The following ROR1 variants were observed in gnomAD, a reference collection of about 807,000 sequenced individuals.
ROR1 encodes ROR family WNT receptor 1.
A neutral mutation model predicts 78.8 loss-of-function variants in ROR1; 19 were observed. The ratio of observed to expected loss-of-function variants is 0.24; its 90% CI spans 0.17 to 0.35. ROR1 has a LOEUF of 0.35. Among genes scored for constraint, ROR1 ranks in the 10% least tolerant of loss-of-function variants. The pLI is 1.00. For synonymous variants in ROR1, 386 were observed against 433.6 expected, an observed-to-expected ratio of 0.89 and a Z score of 1.36; for missense variants, 917 against 1,177.8, an observed-to-expected ratio of 0.78 and a Z score of 3.24.
intron 4 of ROR1, among the ~76,000 whole-genome samples, chr1:64,135,291 T>C (rs917532141): frequency 1.3e-5 from 2 of 152,158 alleles, no homozygotes; most frequent in Non-Finnish European, 2.9e-5. Context: ...GGAAAGGTGG[T>C]AAGAAGTTTA....
intron 1 of ROR1, among the ~76,000 whole-genome samples, chr1:63,943,586 C>G (rs1447693426): frequency 6.6e-6 from 1 of 152,182 alleles, no homozygotes; most frequent in East Asian, 1.9e-4. Flanking sequence ...CTGGCATTAG[C>G]AGAGCAGATA....
intron 1 of ROR1, among the ~76,000 whole-genome samples, chr1:63,827,221 T>C (rs1464498662): frequency 6.6e-6 from 1 of 152,216 alleles, no homozygotes; most frequent in East Asian, 1.9e-4. Flanking sequence ...GAAAATTTTC[T>C]CCCATTCTGT....
At chr1:63,817,338 C>T (rs946680036) in intron 1 of ROR1, among the ~76,000 whole-genome samples, 3 of 152,160 alleles carry the variant, frequency 2.0e-5, no homozygotes, top group Non-Finnish European at 4.4e-5. Context: ...TTCAAAGCCT[C>T]TCTTGAAGAC....
intron 1 of ROR1, among the ~76,000 whole-genome samples, chr1:63,777,412 G>T (rs1569686074): frequency 6.6e-6 from 1 of 152,208 alleles, no homozygotes; most frequent in East Asian, 1.9e-4. Context: ...AACTTTATTA[G>T]AGATGCCTGA....
intron 4 of ROR1, among the ~76,000 whole-genome samples, chr1:64,086,851 A>G (rs1473319154): frequency 6.6e-6 from 1 of 152,142 alleles, no homozygotes; most frequent in Non-Finnish European, 1.5e-5. Flanking sequence ...ATATTGTCTC[A>G]TTAGTGCTGA....
chr1:64,027,749 T>G (rs1310870542), intron 2 of ROR1, among the ~76,000 whole-genome samples: 1 of 151,946 alleles, frequency 6.6e-6, no homozygotes, highest in Non-Finnish European at 1.5e-5. Context: ...ATGCAGTGGC[T>G]TGGTCTCAGC....
rs1646046486 is a variant in ROR1 at position 63,963,260 on chromosome 1, A to G, written c.92-46045A>G. 2.0e-5 allele frequency among the ~76,000 whole-genome samples: 3 copies of G among 152,156 alleles called. No individual in the cohort carries two copies. In the South Asian group the frequency reaches 6.2e-4, roughly 32 times the overall value. On this transcript the variant is annotated intron_variant, in intron 1 of 8. Coordinates refer to ENST00000371079, the MANE Select transcript of ROR1 (RefSeq NM_005012.4). ...TGCTATTTTTTTTCTCCTAATATCT[A>G]TTTCTCTTTTAGAAAAATAATTCTG...
At chr1:63,813,349 G>A (rs899518543) in intron 1 of ROR1, among the ~76,000 whole-genome samples, 3 of 152,122 alleles carry the variant, frequency 2.0e-5, no homozygotes, top group East Asian at 1.9e-4. Flanking sequence ...TGCCAATTCC[G>A]CACATCACTT....
In ROR1 at chr1:63,780,644, G is replaced by A. The variant is rs181512285; in HGVS notation, c.91+6136G>A. ...AATAGCAAGTTTTACAAGGTTTTAG[G>A]ACTCCAGAGTGTTTTGTTTTATAGG... On this transcript the variant is annotated intron_variant, in intron 1 of 8. Transcript: ENST00000371079. Among the ~76,000 whole-genome samples, 85 of 152,296 alleles carry A rather than the reference G, an allele frequency of 5.6e-4. 2 individuals are homozygous for A. The highest frequency in any genetic ancestry group is 1.8e-3 in the African/African-American group (75 of 41,566).
At position 64,067,710 on chromosome 1, in the gene ROR1, C is replaced by CTTTTTTTTTTTTTT. The variant is rs986756579; in HGVS notation, c.482+17001_482+17014dup. Reference sequence around the variant, plus strand: ...TATTTCTATCCAAGTTAAATAAATTCTTTTTTTTTTTTTTTTTTTTGAGAC... The same window carrying CTTTTTTTTTTTTTT: ...TATTTCTATCCAAGTTAAATAAATTCTTTTTTTTTTTTTTTTTTTTTTTTTTTTTTTTTTGAGAC... On this transcript the variant is annotated intron_variant, in intron 4 of 8. Transcript: ENST00000371079. 9.2e-4 allele frequency among the ~76,000 whole-genome samples: 97 copies of CTTTTTTTTTTTTTT among 105,634 alleles called. 4 individuals are homozygous for CTTTTTTTTTTTTTT. The highest frequency in any genetic ancestry group is 1.9e-3 in the African/African-American group (44 of 23,496). 69.3% of individuals were successfully genotyped at this position (105,634 alleles called of 152,430 possible). A position where few individuals can be genotyped will look rare whatever the true frequency, so the allele number is the denominator to read the frequency against.
intron 4 of ROR1, among the ~76,000 whole-genome samples, chr1:64,056,473 G>C (rs889845680): frequency 1.3e-5 from 2 of 151,924 alleles, no homozygotes; most frequent in African/African-American, 2.4e-5. Flanking sequence ...TCTGGAGTTT[G>C]AGACCAGCCT....
At chr1:63,940,465 G>A (rs778141102) in intron 1 of ROR1, among the ~76,000 whole-genome samples, 5 of 148,644 alleles carry the variant, frequency 3.4e-5, no homozygotes, top group South Asian at 2.2e-4. Flanking sequence ...AGGTAAGTAC[G>A]TAGATAGATA....
chr1:64,045,099 A>T (rs1415006796), intron 2 of ROR1, among the ~76,000 whole-genome samples: 1 of 152,244 alleles, frequency 6.6e-6, no homozygotes, highest in Non-Finnish European at 1.5e-5. Context: ...TATTGATATG[A>T]TTTCAGATTT....
intron 1 of ROR1, among the ~76,000 whole-genome samples, chr1:63,969,003 T>C (rs901622599): frequency 1.3e-5 from 2 of 152,182 alleles, no homozygotes; most frequent in Non-Finnish European, 2.9e-5. Context: ...AAACCCTCAG[T>C]ATCACTTTAC....
intron 1 of ROR1, among the ~76,000 whole-genome samples, chr1:63,875,374 T>C (rs1263662176): frequency 1.3e-5 from 2 of 152,224 alleles, no homozygotes; most frequent in Non-Finnish European, 2.9e-5. Flanking sequence ...TAGACAGGGC[T>C]ATGTTTAAAT....
chr1:64,066,049 A>G (rs1646953307), intron 4 of ROR1, among the ~76,000 whole-genome samples: 1 of 152,168 alleles, frequency 6.6e-6, no homozygotes, highest in African/African-American at 2.4e-5. Flanking sequence ...TAGATAACAG[A>G]AAAGTTATCA....
At chr1:64,024,231 A>G (rs1012159542) in intron 2 of ROR1, among the ~76,000 whole-genome samples, 1 of 152,218 alleles carries the variant, frequency 6.6e-6, no homozygotes, top group Non-Finnish European at 1.5e-5. Context: ...CTGTAATCCC[A>G]GCACTTTGAG....
rs932502401 is a variant in ROR1, at chr1:64,146,455, G to A, written c.1174+3805G>A. ...CGCACCACTGCACTCCAGCCTGGGCGATAGAGCGAGACTCAGTCTCAAGAA... is the reference window on the plus strand; with the variant it reads ...CGCACCACTGCACTCCAGCCTGGGCAATAGAGCGAGACTCAGTCTCAAGAA... On this transcript the variant is annotated intron_variant, in intron 7 of 8. Coordinates refer to ENST00000371079, the MANE Select transcript of ROR1 (RefSeq NM_005012.4). Among the ~76,000 whole-genome samples the A allele has an allele frequency of 3.9e-5, 6 of 152,174 alleles. No individual in the cohort carries two copies. In the East Asian group the frequency reaches 5.8e-4, roughly 15 times the overall value.
intron 1 of ROR1, among the ~76,000 whole-genome samples, chr1:64,003,442 T>C (rs1265822171): frequency 6.6e-6 from 1 of 152,208 alleles, no homozygotes; most frequent in Non-Finnish European, 1.5e-5. Context: ...TGTGACTATA[T>C]TGATAACTTC....
Sources: gnomAD v4.1 joint callset for allele counts (sites outside exome capture counted in the v4.1 genomes callset) on GRCh38, gnomAD v4.1.1 for gene constraint, MANE v1.5 for transcripts, NCBI Gene and HGNC (gene_info 2026-07-23, HGNC 2026-07-21) for gene names.